BRWD3: variants seen among roughly 807,000 people sequenced by gnomAD.
BRWD3 encodes bromodomain and WD repeat domain containing 3, also known as bromodomain and WD repeat-containing protein 3.
Under a neutral mutation model 149.7 loss-of-function variants are expected in BRWD3, and 10 were observed. The ratio of observed to expected loss-of-function variants is 0.07; its 90% confidence interval spans 0.04 to 0.11. The LOEUF (loss-of-function observed/expected upper bound fraction) is 0.11. BRWD3 is among the 10% of genes least tolerant of loss of function. BRWD3 has a pLI of 1.00. For missense variants in BRWD3, 940 were observed against 1,373.2 expected (o/e 0.68, Z 4.99); for synonymous variants, 504 against 456.7 (o/e 1.10, Z -1.32).
intron 6 of BRWD3, among the ~76,000 whole-genome samples, chrX:80,746,624 A>G (rs2147793716): frequency 9.0e-6 from 1 of 111,493 alleles, no homozygotes; most frequent in Non-Finnish European, 1.9e-5. Context: ...TTTAATCAAA[A>G]CATAGGCTCC....
At position 80,745,559 on chromosome X, in the gene BRWD3, T is replaced by C. The variant is rs1160105931; in HGVS notation, c.591+10A>G. 2 of 1,197,556 alleles carry C rather than the reference T, an allele frequency of 1.7e-6. No individual in the cohort carries two copies. The highest frequency in any genetic ancestry group is 3.0e-5 in the East Asian group (1 of 33,372). On this transcript the variant is annotated intron_variant, in intron 7 of 40. Transcript: ENST00000373275. The stretch of plus-strand genomic sequence containing the variant: ...TATATATGTTACCATATTATAAATT[T>C]TACACTCACTGTAAAAATTCTTCTC...
chrX:80,809,565 G>C lies in BRWD3; in HGVS notation c.-94C>G. ...CTATTGTGGTGAAGCCCCCATGCCC[G>C]GGAGTCCCGCCGCTTCCGCCGCACT... is the stretch of plus-strand genomic sequence containing the variant. On this transcript the variant is annotated 5_prime_UTR_variant, in exon 1 of 41. Coordinates refer to ENST00000373275, the MANE Select transcript of BRWD3 (RefSeq NM_153252.5). 2 of 535,851 alleles carry C rather than the reference G, an allele frequency of 3.7e-6. No individual in the cohort carries two copies. Among genetic ancestry groups the C allele is most frequent in the Admixed American group, 3.8e-5 (1 of 26,217 alleles). 44.2% of individuals were successfully genotyped at this position (535,851 alleles called of 1,213,427 possible).
At chrX:80,733,884 CATTT>C (rs989367482) in intron 11 of BRWD3, among the ~76,000 whole-genome samples, 10 of 111,229 alleles carry the variant, frequency 9.0e-5, no homozygotes, top group Non-Finnish European at 1.3e-4. Context: ...TTTCCCACAT[CATTT>C]ATTTAATTAT....
At chrX:80,792,907 T>C (rs887464017) in intron 5 of BRWD3, among the ~76,000 whole-genome samples, 8 of 110,364 alleles carry the variant, frequency 7.2e-5, no homozygotes, top group Non-Finnish European at 1.3e-4. Flanking sequence ...TTTACGCCTG[T>C]AATCCCAGCA....
rs181488598 is a variant in BRWD3 at position 80,700,496 on chromosome X, G to A, written c.2836-432C>T. On this transcript the variant is annotated intron_variant, in intron 24 of 40. Coordinates refer to ENST00000373275, the MANE Select transcript of BRWD3 (RefSeq NM_153252.5). The stretch of plus-strand genomic sequence containing the variant: ...TCACGCCTTTAATCCCAGCACTTTG[G>A]GAGGTTGAGGCAGGTGGATCACCTG... Among the ~76,000 whole-genome samples, 352 of 89,871 alleles carry A rather than the reference G, an allele frequency of 3.9e-3. 6 individuals carry two copies. The highest frequency in any genetic ancestry group is 4.8e-3 in the Non-Finnish European group (221 of 45,632). The allele number at this position is 89,871 out of a possible 115,157, so 78.0% of individuals were successfully genotyped here. A position where few individuals can be genotyped will look rare whatever the true frequency, so the allele number is the denominator to read the frequency against.
intron 1 of BRWD3, 42 bp downstream of exon 1, chrX:80,809,399 C>T: frequency 9.0e-7 from 1 of 1,109,759 alleles, no homozygotes; most frequent in Non-Finnish European, 1.2e-6. Flanking sequence ...GCTAAGCCCC[C>T]ATTCCCTTAG....
intron 16 of BRWD3, among the ~76,000 whole-genome samples, chrX:80,723,240 C>A (rs1370627016): frequency 1.3e-4 from 14 of 111,300 alleles, no homozygotes; most frequent in Non-Finnish European, 2.6e-4. Context: ...ATTGAGCTGA[C>A]CTCAATGCTT....
intron 6 of BRWD3, 119 bp downstream of exon 6, chrX:80,791,735 G>T: frequency 1.9e-6 from 1 of 521,144 alleles, no homozygotes; most frequent in Non-Finnish European, 3.3e-6. Context: ...AACTCCTCAG[G>T]AATGTAAACA....
intron 4 of BRWD3, among the ~76,000 whole-genome samples, chrX:80,802,489 G>C (rs1279359780): frequency 9.4e-6 from 1 of 106,598 alleles, no homozygotes; most frequent in African/African-American, 3.4e-5. Flanking sequence ...AGAAAATTAG[G>C]GGATGATATC....
chrX:80,692,172 C>T (rs377084103), intron 28 of BRWD3, 22 bp from the exon 29 acceptor site: 5 of 1,163,864 alleles, frequency 4.3e-6, no homozygotes, highest in Non-Finnish European at 5.9e-6. Flanking sequence ...TAAGAAGATG[C>T]AAATCAAATT....
chrX:80,751,355 G>A (rs757036294), intron 6 of BRWD3, among the ~76,000 whole-genome samples: 10 of 111,285 alleles, frequency 9.0e-5, no homozygotes, highest in African/African-American at 1.3e-4. Flanking sequence ...GACATTGTAC[G>A]CCTTGAATAT....
At chrX:80,777,488 G>C (rs752374748) in intron 6 of BRWD3, among the ~76,000 whole-genome samples, 7 of 111,027 alleles carry the variant, frequency 6.3e-5, no homozygotes, top group African/African-American at 2.3e-4. Context: ...AACCTCCTTG[G>C]CTCAAGTGAT....
At chrX:80,708,376 A>G (rs2072900178) in intron 21 of BRWD3, among the ~76,000 whole-genome samples, 1 of 107,231 alleles carries the variant, frequency 9.3e-6, no homozygotes, top group Non-Finnish European at 1.9e-5. Flanking sequence ...AGCCTGGACA[A>G]CAGAACAAGA....
rs759462028 is a variant in BRWD3, at chrX:80,682,530, TCTC to T, written c.4329_4331del (p.Arg1445del). 1.7e-6 allele frequency: 2 copies of T among 1,210,592 alleles called. No homozygotes were observed. Among genetic ancestry groups the T allele is most frequent in the East Asian group, 3.0e-5 (1 of 33,803 alleles). ...TTAGACGTTTTCTGTACCGTGGCCT[TCTC>T]CTCTTCTGACTCTGGATTGCTGACT... is the stretch of plus-strand genomic sequence containing the variant. On this transcript the variant is annotated inframe_deletion, in exon 38 of 41. Coordinates refer to ENST00000373275, the MANE Select transcript of BRWD3 (RefSeq NM_153252.5).
At chrX:80,683,203 A>T (rs1015008867) in intron 37 of BRWD3, among the ~76,000 whole-genome samples, 1 of 111,501 alleles carries the variant, frequency 9.0e-6, no homozygotes, top group Non-Finnish European at 1.9e-5. Context: ...GTAACAAAAA[A>T]TGCTTCAAAA....
chrX:80,773,987 G>A (rs12841491), intron 6 of BRWD3, among the ~76,000 whole-genome samples: 6,346 of 111,734 alleles, frequency 0.057, 207 homozygotes, highest in Middle Eastern at 0.12. Flanking sequence ...TGGTGTTCAC[G>A]TATTTGCTGA....
At position 80,682,642 on chromosome X, in the gene BRWD3, AATT is replaced by A; in HGVS notation, c.4234-17_4234-15del. ...CATGCTATAGATCTGAGAAGGCAGA[AATT>A]ATATAGTCTTAACTAGTTTTATATT... On this transcript the variant is annotated splice_polypyrimidine_tract_variant and intron_variant, in intron 37 of 40. Coordinates refer to ENST00000373275, the MANE Select transcript of BRWD3 (RefSeq NM_153252.5). The A allele has an allele frequency of 1.7e-6, 2 of 1,199,146 alleles. No homozygotes were observed. Among genetic ancestry groups the A allele is most frequent in the South Asian group, 3.5e-5 (2 of 56,749 alleles).
rs1298009463 is a variant in BRWD3, at chrX:80,725,582, T to C, written c.1387-515A>G. ...TAAGATGTTATCTGGAAAATACATT[T>C]CCTGCTAAAAAGAAATTAAGTTTGA... On this transcript the variant is annotated intron_variant, in intron 14 of 40. Transcript: ENST00000373275. Among the ~76,000 whole-genome samples the C allele has an allele frequency of 3.6e-5, 4 of 112,556 alleles. No homozygotes were observed. The Admixed American group carries it at 3.7e-4, about 11-fold the overall frequency.
intron 6 of BRWD3, among the ~76,000 whole-genome samples, chrX:80,755,902 G>A (rs1036370277): frequency 5.4e-5 from 6 of 111,876 alleles, no homozygotes; most frequent in African/African-American, 1.9e-4. Flanking sequence ...ATGCACAAAT[G>A]TATGGATAAG....
Sources: gnomAD v4.1 joint callset for allele counts (sites outside exome capture counted in the v4.1 genomes callset) on GRCh38, gnomAD v4.1.1 for gene constraint, MANE v1.5 for transcripts, NCBI Gene and HGNC (gene_info 2026-07-23, HGNC 2026-07-21) for gene names.